SLC39A11: variants seen among roughly 807,000 people sequenced by gnomAD.
SLC39A11 encodes solute carrier family 39 member 11, also known as zinc transporter ZIP11.
SLC39A11 carries 33 observed loss-of-function variants against 36.1 expected under a neutral mutation model. The ratio of observed to expected loss-of-function variants is 0.91; its 90% confidence interval spans 0.69 to 1.22. The LOEUF (loss-of-function observed/expected upper bound fraction) is 1.22. Among genes scored for constraint, SLC39A11 ranks in the 50% most tolerant of loss-of-function variants. The pLI, the probability that SLC39A11 is intolerant of heterozygous loss-of-function variation, is 0.00. For missense variants in SLC39A11, 432 were observed against 430.3 expected (o/e 1.00, Z -0.03); for synonymous variants, 166 against 170.3 (o/e 0.97, Z 0.20).
chr17:72,977,513 G>A (rs1054077500), intron 4 of SLC39A11, among the ~76,000 whole-genome samples: 15 of 152,186 alleles, frequency 9.9e-5, no homozygotes, highest in Admixed American at 4.6e-4. Context: ...CCTAGTTCAT[G>A]CAGATAAAAC....
intron 3 of SLC39A11, chr17:73,072,421 G>C (rs1419958227): frequency 6.6e-6 from 1 of 152,220 alleles, no homozygotes; most frequent in East Asian, 1.9e-4. Flanking sequence ...ATGCTCAACA[G>C]AGCAACAGCA....
At chr17:73,062,461 CAAAAA>C (rs1555698613) in intron 3 of SLC39A11, among the ~76,000 whole-genome samples, 2 of 27,840 alleles carry the variant, frequency 7.2e-5, no homozygotes, top group Admixed American at 4.7e-4. Flanking sequence ...GAGCTTGTCT[CAAAAA>C]AAAAAAAAAA....
chr17:72,745,550 C>T (rs2074897796), intron 6 of SLC39A11, among the ~76,000 whole-genome samples: 1 of 152,184 alleles, frequency 6.6e-6, no homozygotes, highest in Admixed American at 6.5e-5. Flanking sequence ...TCTGGGCTCA[C>T]AGGCTAACTG....
At chr17:72,938,128 C>G (rs1279969734) in intron 5 of SLC39A11, among the ~76,000 whole-genome samples, 6 of 152,170 alleles carry the variant, frequency 3.9e-5, no homozygotes, top group Non-Finnish European at 7.3e-5. Flanking sequence ...ATATGCAGAG[C>G]TATTTTCTTT....
At chr17:72,840,932 G>A (rs1359518037) in intron 6 of SLC39A11, among the ~76,000 whole-genome samples, 3 of 151,764 alleles carry the variant, frequency 2.0e-5, no homozygotes, top group Non-Finnish European at 4.4e-5. Flanking sequence ...GGGGGCGCCT[G>A]TAGTCCCAGC....
At chr17:72,659,971 T>A (rs368192148) in intron 7 of SLC39A11, among the ~76,000 whole-genome samples, 1 of 152,118 alleles carries the variant, frequency 6.6e-6, no homozygotes, top group East Asian at 1.9e-4. Flanking sequence ...ACCCCAGCCA[T>A]ACCTCAGGTG....
Position 73,091,027 on chromosome 17 carries a change from C to T in SLC39A11, c.-12+1584G>A, listed in dbSNP as rs145442606. Reference sequence around the variant, plus strand: ...CCGGCTTGGGAGCTAGTTAGGAATGCAGAAACTCAGGTCTCACCCCAGACT... The same window carrying T: ...CCGGCTTGGGAGCTAGTTAGGAATGTAGAAACTCAGGTCTCACCCCAGACT... On this transcript the variant is annotated intron_variant, in intron 1 of 9. Coordinates refer to ENST00000255559, the MANE Select transcript of SLC39A11 (RefSeq NM_139177.4). Among the ~76,000 whole-genome samples the T allele has an allele frequency of 6.7e-3, 1,014 of 152,308 alleles. 24 individuals are homozygous for T. In the East Asian group the frequency reaches 0.081, roughly 12 times the overall value.
chr17:72,715,249 A>C (rs1418781475), intron 7 of SLC39A11, among the ~76,000 whole-genome samples: 1 of 152,238 alleles, frequency 6.6e-6, no homozygotes, highest in Non-Finnish European at 1.5e-5. Context: ...AAGTTCTTCA[A>C]AAAATTAAAA....
chr17:72,749,493 C>T (rs1422328744), intron 6 of SLC39A11, among the ~76,000 whole-genome samples: 1 of 152,184 alleles, frequency 6.6e-6, no homozygotes, highest in African/African-American at 2.4e-5. Context: ...AAAGCAGGGA[C>T]AACCTAAGCA....
intron 7 of SLC39A11, among the ~76,000 whole-genome samples, chr17:72,714,798 T>C (rs2073276364): frequency 6.6e-6 from 1 of 152,200 alleles, no homozygotes; most frequent in Non-Finnish European, 1.5e-5. Context: ...GTTCACCTCC[T>C]GTGGACTGCC....
chr17:72,736,984 T>C (rs1277497598), intron 6 of SLC39A11, among the ~76,000 whole-genome samples: 1 of 152,198 alleles, frequency 6.6e-6, no homozygotes, highest in Non-Finnish European at 1.5e-5. Flanking sequence ...ATGAAAATTA[T>C]GTAAAATTTG....
intron 7 of SLC39A11, among the ~76,000 whole-genome samples, chr17:72,723,260 G>A (rs2073779614): frequency 6.6e-6 from 1 of 152,052 alleles, no homozygotes; most frequent in Admixed American, 6.6e-5. Flanking sequence ...ACAGAGTGCT[G>A]AAATGAGCAC....
chr17:72,803,182 C>T (rs2077151478), intron 6 of SLC39A11, among the ~76,000 whole-genome samples: 1 of 152,252 alleles, frequency 6.6e-6, no homozygotes, highest in South Asian at 2.1e-4. Context: ...TGGGCCCCCT[C>T]GCCTCCTGCC....
chr17:72,903,249 G>C (rs1480759655), intron 5 of SLC39A11, among the ~76,000 whole-genome samples: 2 of 127,974 alleles, frequency 1.6e-5, no homozygotes, highest in Non-Finnish European at 3.1e-5. Flanking sequence ...CTGGGCAACA[G>C]AGCAAGACTC....
intron 5 of SLC39A11, among the ~76,000 whole-genome samples, chr17:72,945,593 T>C (rs973871222): frequency 1.3e-5 from 2 of 152,212 alleles, no homozygotes; most frequent in African/African-American, 2.4e-5. Context: ...AGATCATCTC[T>C]GTGCTTCCCC....
At chr17:72,728,009 C>T (rs1208348460) in intron 7 of SLC39A11, among the ~76,000 whole-genome samples, 2 of 152,134 alleles carry the variant, frequency 1.3e-5, no homozygotes, top group East Asian at 1.9e-4. Flanking sequence ...CCACAGGCGA[C>T]GTTTATATGA....
At chr17:73,068,202 T>C (rs975705844) in intron 3 of SLC39A11, 2 of 1,128,234 alleles carry the variant, frequency 1.8e-6, no homozygotes, top group African/African-American at 1.6e-5. Context: ...TCCAGAGTGG[T>C]TGTTTCTGGG....
intron 5 of SLC39A11, among the ~76,000 whole-genome samples, chr17:72,859,652 C>T (rs1031933483): frequency 1.3e-5 from 2 of 151,540 alleles, no homozygotes; most frequent in Non-Finnish European, 2.9e-5. Flanking sequence ...AAAATCTATG[C>T]AGGATGTGCT....
At chr17:72,906,929 C>T (rs770066101) in intron 5 of SLC39A11, among the ~76,000 whole-genome samples, 1 of 152,142 alleles carries the variant, frequency 6.6e-6, no homozygotes. Flanking sequence ...GCTCTTGCAC[C>T]GGAGATCAGG....
Sources: gnomAD v4.1 joint callset for allele counts (sites outside exome capture counted in the v4.1 genomes callset) on GRCh38, gnomAD v4.1.1 for gene constraint, MANE v1.5 for transcripts, NCBI Gene and HGNC (gene_info 2026-07-23, HGNC 2026-07-21) for gene names.